The following NLGN1 variants were observed in gnomAD, a reference collection of about 807,000 sequenced individuals.
NLGN1 encodes neuroligin 1, also known as neuroligin-1.
A neutral mutation model predicts 65.5 loss-of-function variants in NLGN1; 12 were observed. The observed-to-expected ratio is 0.18, with a 90% CI of 0.12 to 0.30. The LOEUF (loss-of-function observed/expected upper bound fraction) is 0.30. Among genes scored for constraint, NLGN1 ranks in the 10% least tolerant of loss-of-function variants. The pLI is 1.00. For missense variants in NLGN1, 750 were observed against 1,007.1 expected, an observed-to-expected ratio of 0.74 and a Z score of 3.46; for synonymous variants, 350 against 359.5, an observed-to-expected ratio of 0.97 and a Z score of 0.30.
intron 3 of NLGN1, among the ~76,000 whole-genome samples, chr3:173,735,137 C>T (rs1773537787): frequency 6.6e-6 from 1 of 152,082 alleles, no homozygotes; most frequent in Non-Finnish European, 1.5e-5. Context: ...TAGTAATATT[C>T]CAGTTTCCAG....
rs1339324515 is a variant in NLGN1, at chr3:173,674,982, T to TC, written c.493+69891_493+69892insC. Reference sequence around the variant, plus strand: ...ATAAGATTATTTTGACTAACTAAATTTTTTTTTACTCAAATTATGTCAATC... The same window carrying TC: ...ATAAGATTATTTTGACTAACTAAATTCTTTTTTTACTCAAATTATGTCAATC... On this transcript the variant is annotated intron_variant, in intron 3 of 6. Coordinates refer to ENST00000457714, the Ensembl canonical transcript of NLGN1. Among the ~76,000 whole-genome samples the TC allele has an allele frequency of 2.0e-5, 3 of 151,902 alleles. No individual in the cohort carries two copies. In the East Asian group the frequency reaches 5.8e-4, roughly 29 times the overall value.
At chr3:174,265,761 G>T (rs1416294596) in intron 4 of NLGN1, among the ~76,000 whole-genome samples, 1 of 123,848 alleles carries the variant, frequency 8.1e-6, no homozygotes, top group South Asian at 2.7e-4. Flanking sequence ...AAACTAAGAA[G>T]GCTATATATA....
intron 4 of NLGN1, among the ~76,000 whole-genome samples, chr3:174,209,332 T>G (rs901637924): frequency 1.3e-5 from 2 of 152,216 alleles, no homozygotes; most frequent in Non-Finnish European, 2.9e-5. Context: ...TCTTATTGTA[T>G]TTTATCACTA....
intron 2 of NLGN1, among the ~76,000 whole-genome samples, chr3:173,491,002 G>A (rs1482109503): frequency 7.2e-5 from 11 of 151,760 alleles, no homozygotes; most frequent in South Asian, 6.2e-4. Context: ...GGGCTGTGAC[G>A]ATGGGGTTTT....
intron 4 of NLGN1, among the ~76,000 whole-genome samples, chr3:173,906,210 C>A (rs371294838): frequency 7.9e-5 from 12 of 152,140 alleles, no homozygotes; most frequent in African/African-American, 2.9e-4. Flanking sequence ...CCAACTTTAT[C>A]TGGGGCCTAA....
At chr3:174,197,988 A>G (rs1380299672) in intron 4 of NLGN1, among the ~76,000 whole-genome samples, 1 of 152,018 alleles carries the variant, frequency 6.6e-6, no homozygotes, top group Admixed American at 6.6e-5. Context: ...ACATATATCT[A>G]TATACTCTAT....
chr3:174,294,119 C>T, the NLGN1 span, among the ~76,000 whole-genome samples: 5 of 151,588 alleles, frequency 3.3e-5, no homozygotes, highest in African/African-American at 1.2e-4. Flanking sequence ...ATCTATTTCC[C>T]TACCCTCTAA....
intron 4 of NLGN1, among the ~76,000 whole-genome samples, chr3:174,251,505 C>A (rs1744759719): frequency 6.6e-6 from 1 of 152,146 alleles, no homozygotes; most frequent in African/African-American, 2.4e-5. Context: ...CCTTATGGCA[C>A]CTGGGCAAAG....
At chr3:173,671,652 T>G (rs1762466321) in intron 3 of NLGN1, among the ~76,000 whole-genome samples, 1 of 152,136 alleles carries the variant, frequency 6.6e-6, no homozygotes, top group Non-Finnish European at 1.5e-5. Context: ...ACCTTACTCT[T>G]TTTCTCCACC....
intron 3 of NLGN1, among the ~76,000 whole-genome samples, chr3:173,768,086 G>T (rs2150246028): frequency 6.6e-6 from 1 of 151,922 alleles, no homozygotes; most frequent in African/African-American, 2.4e-5. Context: ...TCTCAAATAT[G>T]TATGTGTTCA....
At chr3:174,183,980 C>T (rs1730937069) in intron 4 of NLGN1, among the ~76,000 whole-genome samples, 2 of 151,982 alleles carry the variant, frequency 1.3e-5, no homozygotes, top group Admixed American at 1.3e-4. Flanking sequence ...CAAAACTCAA[C>T]CATGAATTTC....
intron 4 of NLGN1, among the ~76,000 whole-genome samples, chr3:174,050,711 G>A (rs890474023): frequency 6.6e-6 from 1 of 151,888 alleles, no homozygotes; most frequent in Non-Finnish European, 1.5e-5. Flanking sequence ...CACACTAGCT[G>A]CTTGGTCTCC....
intron 4 of NLGN1, among the ~76,000 whole-genome samples, chr3:174,269,516 G>T (rs112325181): frequency 7.2e-5 from 11 of 151,814 alleles, no homozygotes; most frequent in African/African-American, 2.7e-4. Context: ...AACAAGATTT[G>T]CTTCTTTTTT....
At chr3:173,478,437 A>T (rs112482140) in intron 2 of NLGN1, among the ~76,000 whole-genome samples, 24,549 of 152,176 alleles carry the variant, frequency 0.16, 2,061 homozygotes, top group Middle Eastern at 0.26. Context: ...TAAATAGCTA[A>T]TGCATACAGG....
chr3:173,429,769 C>T (rs1481713833), intron 1 of NLGN1, among the ~76,000 whole-genome samples: 1 of 152,136 alleles, frequency 6.6e-6, no homozygotes, highest in African/African-American at 2.4e-5. Context: ...GAGAGTGCTG[C>T]CCATCCCAGA....
intron 4 of NLGN1, among the ~76,000 whole-genome samples, chr3:174,074,690 T>G (rs1014502220): frequency 1.3e-5 from 2 of 152,216 alleles, no homozygotes; most frequent in African/African-American, 4.8e-5. Flanking sequence ...AACATTGATA[T>G]AAGTTTCTGA....
At chr3:174,100,237 A>G (rs955689821) in intron 4 of NLGN1, among the ~76,000 whole-genome samples, 1 of 151,912 alleles carries the variant, frequency 6.6e-6, no homozygotes, top group Non-Finnish European at 1.5e-5. Context: ...ATCTTTCAAC[A>G]TGGCTTGAAA....
intron 4 of NLGN1, among the ~76,000 whole-genome samples, chr3:174,147,086 T>C (rs1273384733): frequency 3.9e-5 from 6 of 152,174 alleles, no homozygotes; most frequent in African/African-American, 1.4e-4. Context: ...GAATCCCTGA[T>C]AGCTGAGATT....
At chr3:173,929,751 C>G (rs562968341) in intron 4 of NLGN1, among the ~76,000 whole-genome samples, 19 of 148,586 alleles carry the variant, frequency 1.3e-4, no homozygotes, top group African/African-American at 4.5e-4. Context: ...GTTGCCCAGG[C>G]TGGAGTGCAA....
Sources: allele counts gnomAD v4.1 joint callset (sites outside exome capture counted in the v4.1 genomes callset), GRCh38; gene constraint gnomAD v4.1.1; transcripts MANE v1.5; gene names NCBI Gene and HGNC (gene_info 2026-07-23, HGNC 2026-07-21).